Variants in STK39 observed in about 807,000 individuals in gnomAD.
STK39 encodes STE20/SPS1-related proline-alanine-rich protein kinase.
STK39 carries 20 observed loss-of-function variants against 77.8 expected under a neutral mutation model. That is an observed-to-expected ratio of 0.26 (90% CI 0.18 to 0.37). The LOEUF is 0.37. Ranked by LOEUF, STK39 falls within the 10% of genes least tolerant of loss-of-function variation. STK39 has a pLI of 1.00. For missense variants in STK39, 479 were observed against 656.5 expected (o/e 0.73, Z 2.95); for synonymous variants, 246 against 234.1 (o/e 1.05, Z -0.47).
At position 168,104,427 on chromosome 2, in the gene STK39, A is replaced by C. The variant is rs566912312; in HGVS notation, c.1089+25114T>G. Among the ~76,000 whole-genome samples the C allele has an allele frequency of 2.0e-5, 3 of 152,334 alleles. No individual in the cohort carries two copies. In the East Asian group the frequency reaches 5.8e-4, roughly 29 times the overall value. On this transcript the variant is annotated intron_variant, in intron 10 of 17. Coordinates refer to ENST00000355999, the MANE Select transcript of STK39 (RefSeq NM_013233.3). ...TTATTGCAAGTAGTATAAGATTGTC[A>C]AAGTGAGTACAGTGTGAATACACCA...
intron 15 of STK39, among the ~76,000 whole-genome samples, chr2:168,013,793 GGTGTGTGTGTGTGTGTGTGTGTGTGTGT>G (rs4000936): frequency 6.8e-6 from 1 of 147,664 alleles, no homozygotes. Flanking sequence ...TAAGTGGGCT[GGTGTGTGTGTGTGTGTGTGTGTGTGTGT>G]GTGTGTGTGT....
chr2:167,964,138 TC>T (rs1559035848), intron 17 of STK39, among the ~76,000 whole-genome samples: 2 of 152,210 alleles, frequency 1.3e-5, no homozygotes. Flanking sequence ...TTGAAATATC[TC>T]CTTTCTACAA....
chr2:168,107,285 T>C (rs902489885), intron 10 of STK39, among the ~76,000 whole-genome samples: 1 of 152,208 alleles, frequency 6.6e-6, no homozygotes, highest in Admixed American at 6.5e-5. Flanking sequence ...ATGGGTCTTA[T>C]AAAAACCTTT....
At chr2:168,171,023 C>T (rs142815150) in intron 2 of STK39, among the ~76,000 whole-genome samples, 1 of 152,210 alleles carries the variant, frequency 6.6e-6, no homozygotes, top group African/African-American at 2.4e-5. Flanking sequence ...GAATTGAACA[C>T]AGTGGCTCCC....
chr2:168,094,785 T>A (rs368327909), intron 10 of STK39, among the ~76,000 whole-genome samples: 2 of 152,034 alleles, frequency 1.3e-5, no homozygotes, highest in South Asian at 2.1e-4. Context: ...CACAATCACC[T>A]CCATTGAGAA....
At chr2:168,192,712 C>T (rs1042701238) in intron 1 of STK39, among the ~76,000 whole-genome samples, 1 of 152,200 alleles carries the variant, frequency 6.6e-6, no homozygotes, top group African/African-American at 2.4e-5. Context: ...TGAGACTATA[C>T]ATGTAAACAT....
intron 17 of STK39, among the ~76,000 whole-genome samples, chr2:167,957,694 A>C (rs1425000116): frequency 6.6e-6 from 1 of 152,260 alleles, no homozygotes; most frequent in Non-Finnish European, 1.5e-5. Flanking sequence ...TGTACTTCAA[A>C]TCTTCATCAG....
intron 8 of STK39, among the ~76,000 whole-genome samples, chr2:168,130,943 C>T (rs1432388950): frequency 3.3e-5 from 5 of 152,208 alleles, no homozygotes; most frequent in East Asian, 3.8e-4. Flanking sequence ...ATGTAACACA[C>T]AGCCCTGGAC....
chr2:168,161,031 C>T (rs568056206), intron 5 of STK39, among the ~76,000 whole-genome samples: 9 of 152,198 alleles, frequency 5.9e-5, no homozygotes, highest in East Asian at 1.9e-4. Context: ...GCTCATCTTA[C>T]GCGTCTCTGC....
At chr2:168,178,844 A>G (rs752189373) in intron 2 of STK39, among the ~76,000 whole-genome samples, 3 of 152,276 alleles carry the variant, frequency 2.0e-5, no homozygotes, top group Middle Eastern at 3.4e-3. Context: ...CCCCTACCAC[A>G]TAAAGAAGTC....
chr2:168,047,432 TAAAA>T (rs1426552904), intron 14 of STK39, among the ~76,000 whole-genome samples: 1 of 152,142 alleles, frequency 6.6e-6, no homozygotes, highest in East Asian at 1.9e-4. Flanking sequence ...AACCAAACCA[TAAAA>T]AGAGAAAGGA....
intron 1 of STK39, among the ~76,000 whole-genome samples, chr2:168,237,436 T>C (rs971152493): frequency 2.0e-5 from 3 of 152,202 alleles, no homozygotes; most frequent in African/African-American, 4.8e-5. Flanking sequence ...TACCCTTTAT[T>C]TCCTTCTCCT....
At chr2:168,162,806 T>A (rs1361593356) in intron 4 of STK39, among the ~76,000 whole-genome samples, 1 of 152,052 alleles carries the variant, frequency 6.6e-6, no homozygotes, top group East Asian at 1.9e-4. Context: ...GGTGGGCAGA[T>A]CATCTGGGAT....
intron 1 of STK39, among the ~76,000 whole-genome samples, chr2:168,208,697 A>C (rs6433044): frequency 0.44 from 66,536 of 152,136 alleles, 16,863 homozygotes; most frequent in East Asian, 0.77. Context: ...CACTACCCTG[A>C]AATAGGCAGG....
chr2:168,116,025 T>C (rs1364019632), intron 10 of STK39, among the ~76,000 whole-genome samples: 2 of 152,190 alleles, frequency 1.3e-5, no homozygotes, highest in Non-Finnish European at 2.9e-5. Context: ...GGTTACCCCA[T>C]GAGTGGGTCG....
At chr2:168,161,952 T>C in intron 4 of STK39, 110 bp from the exon 5 acceptor site, 1 of 695,254 alleles carries the variant, frequency 1.4e-6, no homozygotes, top group Non-Finnish European at 2.3e-6. Context: ...TTTGACATAA[T>C]AATTTCATAA....
intron 16 of STK39, among the ~76,000 whole-genome samples, chr2:167,995,275 A>C (rs1042001991): frequency 6.6e-6 from 1 of 151,866 alleles, no homozygotes; most frequent in African/African-American, 2.4e-5. Flanking sequence ...ACACCCAGCT[A>C]ATTTTTGTAT....
chr2:167,992,495 T>A (rs1683726949), intron 16 of STK39, among the ~76,000 whole-genome samples: 1 of 152,180 alleles, frequency 6.6e-6, no homozygotes, highest in Admixed American at 6.5e-5. Context: ...AGAGGCTTTG[T>A]GGTAAAACTT....
At chr2:168,205,632 T>C (rs147227768) in intron 1 of STK39, among the ~76,000 whole-genome samples, 194 of 151,954 alleles carry the variant, frequency 1.3e-3, no homozygotes, top group African/African-American at 4.6e-3. Flanking sequence ...GCCTGGTCAG[T>C]ATAGCAAGAC....
Sources: gnomAD v4.1 joint callset for allele counts (sites outside exome capture counted in the v4.1 genomes callset) on GRCh38, gnomAD v4.1.1 for gene constraint, MANE v1.5 for transcripts, NCBI Gene and HGNC (gene_info 2026-07-23, HGNC 2026-07-21) for gene names.